Variants in AKT3 observed in about 807,000 individuals in gnomAD.
The protein encoded by AKT3 is RAC-gamma serine/threonine-protein kinase.
In AKT3, 15 loss-of-function variants were observed where a neutral mutation model predicts 65.3. The ratio of observed to expected loss-of-function variants is 0.23; its 90% CI spans 0.15 to 0.35. AKT3 has a LOEUF of 0.35. Among genes scored for constraint, AKT3 ranks in the 10% least tolerant of loss-of-function variants. AKT3 has a pLI of 1.00. For missense variants in AKT3, 243 were observed against 576.5 expected (o/e 0.42, Z 5.92); for synonymous variants, 206 against 183.8 (o/e 1.12, Z -0.98).
intron 4 of AKT3, among the ~76,000 whole-genome samples, chr1:243,656,413 G>A (rs1029031200): frequency 1.3e-5 from 2 of 152,100 alleles, no homozygotes; most frequent in African/African-American, 4.8e-5. Context: ...AGTCTGATGG[G>A]GGAGCCTTGG....
intron 8 of AKT3, chr1:243,613,057 T>TTATATATA (rs35787268): frequency 7.2e-5 from 7 of 96,576 alleles, no homozygotes; most frequent in African/African-American, 1.5e-4. Flanking sequence ...AAAAAAAAAA[T>TTATATATA]TATATATATA....
At chr1:243,795,137 ACTT>A (rs1691873986) in intron 2 of AKT3, among the ~76,000 whole-genome samples, 1 of 124,238 alleles carries the variant, frequency 8.0e-6, no homozygotes, top group African/African-American at 3.0e-5. Flanking sequence ...CTCTATGTCT[ACTT>A]TTTTTTTTTT....
chr1:243,837,585 GA>G (rs1694972468), intron 2 of AKT3, among the ~76,000 whole-genome samples: 1 of 152,032 alleles, frequency 6.6e-6, no homozygotes, highest in Non-Finnish European at 1.5e-5. Context: ...TGACCAAATG[GA>G]ATTTATTCCA....
At chr1:243,842,555 T>C (rs1240514449) in intron 2 of AKT3, among the ~76,000 whole-genome samples, 1 of 152,152 alleles carries the variant, frequency 6.6e-6, no homozygotes, top group African/African-American at 2.4e-5. Flanking sequence ...TAAACCTAGA[T>C]GATGAAAAAT....
chr1:243,845,808 A>G (rs187888713), intron 1 of AKT3, among the ~76,000 whole-genome samples: 278 of 152,222 alleles, frequency 1.8e-3, no homozygotes, highest in African/African-American at 6.5e-3. Flanking sequence ...TGAGCTACCC[A>G]ATAGGTATGG....
rs544066538 is a variant in AKT3, at chr1:243,618,213, G to C, written c.562-3052C>G. Among the ~76,000 whole-genome samples, 128 of 152,184 alleles carry C rather than the reference G, an allele frequency of 8.4e-4. 1 individual carries two copies. The highest frequency in any genetic ancestry group is 3.0e-3 in the African/African-American group (125 of 41,532). ...AATCTGACCACATCCAAGGAACCAAGTAAAGACGTATGGAGGCAAAAGCAA... is the reference window on the plus strand; with the variant it reads ...AATCTGACCACATCCAAGGAACCAACTAAAGACGTATGGAGGCAAAAGCAA... On this transcript the variant is annotated intron_variant, in intron 6 of 13. Coordinates refer to ENST00000673466, the MANE Select transcript of AKT3 (RefSeq NM_005465.7).
chr1:243,503,517 G>A lies in AKT3; in HGVS notation c.*1732C>T, dbSNP rs1157751109. The A allele has an allele frequency of 4.3e-6, 1 of 233,114 alleles. No homozygotes were observed. Among genetic ancestry groups the A allele is most frequent in the Non-Finnish European group, 8.5e-6 (1 of 117,732 alleles). The allele number at this position is 233,114 out of a possible 1,614,324, so 14.4% of individuals were successfully genotyped here. On this transcript the variant is annotated 3_prime_UTR_variant, in exon 14 of 14. Transcript: ENST00000673466. ...GGAGTAGGATGGCCTTCTGCTTGCC[G>A]CAAGAGTGGCCCCCAGCCCCTAGGA...
At chr1:243,722,162 A>C (rs1275528290) in intron 2 of AKT3, among the ~76,000 whole-genome samples, 2 of 152,182 alleles carry the variant, frequency 1.3e-5, no homozygotes, top group Non-Finnish European at 2.9e-5. Flanking sequence ...TAACATTAAG[A>C]ACAATTCATA....
At chr1:243,608,568 C>A (rs201018273) in intron 8 of AKT3, among the ~76,000 whole-genome samples, 1 of 152,010 alleles carries the variant, frequency 6.6e-6, no homozygotes, top group East Asian at 1.9e-4. Context: ...AGTATTCTCA[C>A]GCTCAAGTCC....
intron 2 of AKT3, among the ~76,000 whole-genome samples, chr1:243,769,256 ATACTAC>A (rs1356437407): frequency 6.6e-6 from 1 of 152,184 alleles, no homozygotes; most frequent in Non-Finnish European, 1.5e-5. Context: ...GCAATTACGA[ATACTAC>A]TACTACAAAC....
intron 4 of AKT3, among the ~76,000 whole-genome samples, chr1:243,656,790 C>T (rs990553394): frequency 7.9e-5 from 12 of 152,094 alleles, no homozygotes; most frequent in African/African-American, 2.9e-4. Flanking sequence ...AGTGTCGTGG[C>T]CATGGTTGTG....
chr1:243,599,614 A>G (rs1180430179), intron 8 of AKT3, among the ~76,000 whole-genome samples: 1 of 152,156 alleles, frequency 6.6e-6, no homozygotes, highest in Non-Finnish European at 1.5e-5. Context: ...CCACCATAAG[A>G]ACAAAGAAGC....
In AKT3 at chr1:243,767,116, A is replaced by G. The variant is rs139257435; in HGVS notation, c.47-71400T>C. ...GAAGAGCTAAGAATTTGCAGAGGGC[A>G]GAAAAGGCTCAAGAACAGAGTAAGG... On this transcript the variant is annotated intron_variant, in intron 2 of 13. Coordinates refer to ENST00000673466, the MANE Select transcript of AKT3 (RefSeq NM_005465.7). Among the ~76,000 whole-genome samples, 595 of 152,310 alleles carry G rather than the reference A, an allele frequency of 3.9e-3. 4 individuals carry two copies. The highest frequency in any genetic ancestry group is 0.013 in the African/African-American group (553 of 41,586).
intron 2 of AKT3, chr1:243,702,828 G>A (rs1558736688): frequency 6.6e-6 from 1 of 152,102 alleles, no homozygotes; most frequent in East Asian, 1.9e-4. Context: ...GGGTAAACTA[G>A]TCTTCCAAAG....
chr1:243,502,400 G>A lies in AKT3; in HGVS notation c.*2849C>T. On this transcript the variant is annotated 3_prime_UTR_variant, in exon 14 of 14. Coordinates refer to ENST00000673466, the MANE Select transcript of AKT3 (RefSeq NM_005465.7). ...TAGTGTAGAAAGCAAAGCTGAGCGC[G>A]ACCCTGCCAACCATCTAAGCAGAAA... is the stretch of plus-strand genomic sequence containing the variant. The A allele has an allele frequency of 4.3e-6, 1 of 233,114 alleles. No homozygotes were observed. Among genetic ancestry groups the A allele is most frequent in the Middle Eastern group, 1.3e-3 (1 of 784 alleles). The allele number at this position is 233,114 out of a possible 1,614,324, so 14.4% of individuals were successfully genotyped here.
chr1:243,828,117 T>C (rs748804278), intron 2 of AKT3, among the ~76,000 whole-genome samples: 2 of 152,154 alleles, frequency 1.3e-5, no homozygotes, highest in African/African-American at 2.4e-5. Flanking sequence ...GTATCCCGAC[T>C]GTCTATATAG....
intron 5 of AKT3, among the ~76,000 whole-genome samples, chr1:243,643,109 C>G (rs1680565191): frequency 6.6e-6 from 1 of 152,138 alleles, no homozygotes; most frequent in Non-Finnish European, 1.5e-5. Context: ...GTCGCTTCTC[C>G]CTTTTAAATA....
chr1:243,648,606 T>G (rs1681030743), intron 4 of AKT3, among the ~76,000 whole-genome samples: 1 of 152,306 alleles, frequency 6.6e-6, no homozygotes, highest in South Asian at 2.1e-4. Flanking sequence ...AGTTGAGAAG[T>G]ACTCCCTTCT....
downstream of AKT3, among the ~76,000 whole-genome samples, chr1:243,498,878 C>T (rs551640511): frequency 5.3e-5 from 8 of 152,320 alleles, no homozygotes; most frequent in Non-Finnish European, 8.8e-5. Context: ...CCCTGCAGTG[C>T]GTCCCAATTT....
Sources: allele counts gnomAD v4.1 joint callset (sites outside exome capture counted in the v4.1 genomes callset), GRCh38; gene constraint gnomAD v4.1.1; transcripts MANE v1.5; gene names NCBI Gene and HGNC (gene_info 2026-07-23, HGNC 2026-07-21).